NUPR1: variants seen among roughly 807,000 people sequenced by gnomAD.
The protein encoded by NUPR1 is nuclear protein 1.
A neutral mutation model predicts 7.3 loss-of-function variants in NUPR1; 8 were observed. The ratio of observed to expected loss-of-function variants is 1.09; its 90% CI spans 0.64 to 1.97. NUPR1 has a LOEUF of 1.97. NUPR1 is among the 30% of genes most tolerant of loss of function. The pLI, the probability that NUPR1 is intolerant of heterozygous loss-of-function variation, is 0.00. For synonymous variants in NUPR1, 39 were observed against 44.5 expected (o/e 0.88, Z 0.49); for missense variants, 96 against 111.7 (o/e 0.86, Z 0.63).
rs922983928 is a variant in NUPR1, at chr16:28,533,394, T to G, written c.*4289A>C. 6 of 152,192 alleles carry G rather than the reference T, an allele frequency of 3.9e-5. No individual in the cohort carries two copies. Among genetic ancestry groups the G allele is most frequent in the African/African-American group, 1.2e-4 (5 of 41,416 alleles). The allele number at this position is 152,192 out of a possible 1,614,324, so 9.4% of individuals were successfully genotyped here. A position where few individuals can be genotyped will look rare whatever the true frequency, so the allele number is the denominator to read the frequency against. The stretch of plus-strand genomic sequence containing the variant: ...AGTTAAGGAAAACTTTGGTTTTTGT[T>G]TTTTTGAGACAGGTCTCACTCTGAC... On this transcript the variant is annotated 3_prime_UTR_variant, in exon 3 of 3. Coordinates refer to ENST00000324873, the MANE Select transcript of NUPR1 (RefSeq NM_012385.3).
At position 28,538,118 on chromosome 16, in the gene NUPR1, A is replaced by C. The variant is rs2046637708; in HGVS notation, c.150T>G (p.Ala50=). The part of the protein sequence containing the change: ...GGRKGRTKRE[A]AANTNRPSPG... ...GGCTGGGGCGGTTGGTGTTGGCAGC[A>C]GCTTCTCTCTTGGTGCGACCTTTCC... Residue 50 remains alanine (A), a synonymous_variant, in exon 2 of 3, where the codon GCT becomes GCG. Transcript: ENST00000324873. 1 of 1,614,006 alleles carries C rather than the reference A, an allele frequency of 6.2e-7. No homozygotes were observed. Among genetic ancestry groups the C allele is most frequent in the Admixed American group, 1.7e-5 (1 of 59,986 alleles).
In NUPR1 at chr16:28,538,952, T is replaced by C; in HGVS notation, c.-45A>G. The stretch of plus-strand genomic sequence containing the variant: ...CTGCCTCTCTTCTTCTCCTAACGCT[T>C]TGTCTGTCTCTGCTTTCCTGGCCCC... On this transcript the variant is annotated 5_prime_UTR_variant, in exon 1 of 3. Coordinates refer to ENST00000324873, the MANE Select transcript of NUPR1 (RefSeq NM_012385.3). The C allele has an allele frequency of 6.5e-7, 1 of 1,532,700 alleles. No individual in the cohort carries two copies. Among genetic ancestry groups the C allele is most frequent in the Non-Finnish European group, 9.0e-7 (1 of 1,115,992 alleles). The allele number at this position is 1,532,700 out of a possible 1,614,324, so 94.9% of individuals were successfully genotyped here.
In NUPR1 at chr16:28,533,002, T is replaced by C. The variant is rs1003196334; in HGVS notation, c.*4681A>G. The stretch of plus-strand genomic sequence containing the variant: ...ATAGGAGCTCCAAACACAGCAGAGA[T>C]GTTTCCAGGATTTTCTGAAGCCAAC... On this transcript the variant is annotated 3_prime_UTR_variant, in exon 3 of 3. Coordinates refer to ENST00000324873, the MANE Select transcript of NUPR1 (RefSeq NM_012385.3). The C allele has an allele frequency of 6.6e-6, 1 of 152,224 alleles. No individual in the cohort carries two copies. Among genetic ancestry groups the C allele is most frequent in the Non-Finnish European group, 1.5e-5 (1 of 68,076 alleles). The allele number at this position is 152,224 out of a possible 1,614,324, so 9.4% of individuals were successfully genotyped here.
Position 28,537,990 on chromosome 16 carries a change from C to A in NUPR1, c.*13+16G>T, listed in dbSNP as rs1305124326. ...GAAGCACCACCTTGAGCTCTCTGGG[C>A]CCCCCGACTCCTTACCTCCAGCTCT... On this transcript the variant is annotated intron_variant, in intron 2 of 2. Coordinates refer to ENST00000324873, the MANE Select transcript of NUPR1 (RefSeq NM_012385.3). 1.9e-6 allele frequency: 3 copies of A among 1,591,896 alleles called. No individual in the cohort carries two copies. Among genetic ancestry groups the A allele is most frequent in the Admixed American group, 3.4e-5 (2 of 59,090 alleles).
Position 28,536,755 on chromosome 16 carries a change from TG to T in NUPR1, c.*927del, listed in dbSNP as rs1054398813. 7 of 152,122 alleles carry T rather than the reference TG, an allele frequency of 4.6e-5. No individual in the cohort carries two copies. Among genetic ancestry groups the T allele is most frequent in the Non-Finnish European group, 8.8e-5 (6 of 68,114 alleles). 9.4% of individuals were successfully genotyped at this position (152,122 alleles called of 1,614,324 possible). ...TCGGCTCACTGCAACCTCTACCTCC[TG>T]GGTTCAAGCGATTCTACTGCCTCAG... On this transcript the variant is annotated 3_prime_UTR_variant, in exon 3 of 3. Transcript: ENST00000324873.
Position 28,538,875 on chromosome 16 carries a change from G to A in NUPR1, c.33C>T (p.Pro11=). The A allele has an allele frequency of 6.2e-7, 1 of 1,613,476 alleles. No individual in the cohort carries two copies. Among genetic ancestry groups the A allele is most frequent in the African/African-American group, 1.3e-5 (1 of 74,968 alleles). Reference sequence around the variant, plus strand: ...CGTCCTCCGGGCCTGGGGGCTGCTGGGGGGCGCTGGTTGCTGGTGGGAAGG... The same window carrying A: ...CGTCCTCCGGGCCTGGGGGCTGCTGAGGGGCGCTGGTTGCTGGTGGGAAGG... MATFPPATSA[P]QQPPGPEDED... The change falls in exon 1 of 3, where the codon CCC becomes CCT. Residue 11 remains proline (P), a synonymous_variant. Coordinates refer to ENST00000324873, the MANE Select transcript of NUPR1 (RefSeq NM_012385.3).
chr16:28,533,102 T>C lies in NUPR1; in HGVS notation c.*4581A>G, dbSNP rs1389529932. 1.3e-5 allele frequency: 2 copies of C among 152,324 alleles called. No homozygotes were observed. Among genetic ancestry groups the C allele is most frequent in the South Asian group, 2.1e-4 (1 of 4,830 alleles). The allele number at this position is 152,324 out of a possible 1,614,324, so 9.4% of individuals were successfully genotyped here. On this transcript the variant is annotated 3_prime_UTR_variant, in exon 3 of 3. Transcript: ENST00000324873. The stretch of plus-strand genomic sequence containing the variant: ...CCATTTGCTCCCTGGGTTCTAGAGC[T>C]GATGGTGGCCCTATTCCTGGTTCCA...
At position 28,535,568 on chromosome 16, in the gene NUPR1, C is replaced by CTTTCTTTCTTTTCTTTCTTTCT. The variant is rs1567277461; in HGVS notation, c.*2114_*2115insAGAAAGAAAGAAAAGAAAGAAA. On this transcript the variant is annotated 3_prime_UTR_variant, in exon 3 of 3. Coordinates refer to ENST00000324873, the MANE Select transcript of NUPR1 (RefSeq NM_012385.3). ...CCTTCTTTCTTTCTTTCTTTCCTTC[C>CTTTCTTTCTTTTCTTTCTTTCT]TTCCTTTCTTTCTTTCTTTCTTTCT... is the stretch of plus-strand genomic sequence containing the variant. 2.9e-5 allele frequency: 1 copy of CTTTCTTTCTTTTCTTTCTTTCT among 34,970 alleles called. No individual in the cohort carries two copies. Among genetic ancestry groups the CTTTCTTTCTTTTCTTTCTTTCT allele is most frequent in the African/African-American group, 7.7e-5 (1 of 12,960 alleles). 2.2% of individuals were successfully genotyped at this position (34,970 alleles called of 1,614,324 possible). A position where few individuals can be genotyped will look rare whatever the true frequency, so the allele number is the denominator to read the frequency against.
rs1305031912 is a variant in NUPR1 at position 28,536,865 on chromosome 16, T to G, written c.*818A>C. ...TTTTAGTGGAGATGGGGTTTCACCA[T>G]GTTGGTCAGGCTGGTCTTGAACTCC... is the stretch of plus-strand genomic sequence containing the variant. On this transcript the variant is annotated 3_prime_UTR_variant, in exon 3 of 3. Coordinates refer to ENST00000324873, the MANE Select transcript of NUPR1 (RefSeq NM_012385.3). The G allele has an allele frequency of 6.6e-6, 1 of 152,142 alleles. No individual in the cohort carries two copies. The highest frequency in any genetic ancestry group is 1.5e-5 in the Non-Finnish European group (1 of 68,082). The allele number at this position is 152,142 out of a possible 1,614,324, so 9.4% of individuals were successfully genotyped here.
At position 28,534,671 on chromosome 16, in the gene NUPR1, CCT is replaced by C. The variant is rs964359271; in HGVS notation, c.*3010_*3011del. 2 of 152,216 alleles carry C rather than the reference CCT, an allele frequency of 1.3e-5. No individual in the cohort carries two copies. The highest frequency in any genetic ancestry group is 2.9e-5 in the Non-Finnish European group (2 of 68,048). 9.4% of individuals were successfully genotyped at this position (152,216 alleles called of 1,614,324 possible). Reference sequence around the variant, plus strand: ...AGCAGCTCAATGCTACATTTCCCAACCTCTCTCGTAGTTGGGTGTGGCCATGT... The same window carrying C: ...AGCAGCTCAATGCTACATTTCCCAACCTCTCGTAGTTGGGTGTGGCCATGT... On this transcript the variant is annotated 3_prime_UTR_variant, in exon 3 of 3. Coordinates refer to ENST00000324873, the MANE Select transcript of NUPR1 (RefSeq NM_012385.3).
Position 28,535,573 on chromosome 16 carries a change from T to TTTCC in NUPR1, c.*2109_*2110insGGAA, listed in dbSNP as rs1567277475. Reference sequence around the variant, plus strand: ...TTTCTTTCTTTCTTTCCTTCCTTCCTTTCTTTCTTTCTTTCTTTCTTTCTT... The same window carrying TTTCC: ...TTTCTTTCTTTCTTTCCTTCCTTCCTTTCCTTCTTTCTTTCTTTCTTTCTTTCTT... On this transcript the variant is annotated 3_prime_UTR_variant, in exon 3 of 3. Transcript: ENST00000324873. The TTTCC allele has an allele frequency of 1.8e-3, 25 of 14,032 alleles. No homozygotes were observed. Among genetic ancestry groups the TTTCC allele is most frequent in the African/African-American group, 6.9e-3 (23 of 3,326 alleles). 0.9% of individuals were successfully genotyped at this position (14,032 alleles called of 1,614,324 possible).
At chr16:28,538,745 C>G (rs1237227194) in intron 1 of NUPR1, 51 bp downstream of exon 1, 3 of 1,387,552 alleles carry the variant, frequency 2.2e-6, no homozygotes, top group Non-Finnish European at 3.1e-6. Flanking sequence ...GGGGTGGGTC[C>G]TGATTTCGGG....
chr16:28,534,927 T>G lies in NUPR1; in HGVS notation c.*2756A>C, dbSNP rs1297133536. 1 of 152,214 alleles carries G rather than the reference T, an allele frequency of 6.6e-6. No homozygotes were observed. The highest frequency in any genetic ancestry group is 1.5e-5 in the Non-Finnish European group (1 of 68,040). The allele number at this position is 152,214 out of a possible 1,614,324, so 9.4% of individuals were successfully genotyped here. A position where few individuals can be genotyped will look rare whatever the true frequency, so the allele number is the denominator to read the frequency against. ...TCCTCAACACAATGGAGCTGCCATT[T>G]GAACCCAGGAGGACTTGGGGCTAAG... On this transcript the variant is annotated 3_prime_UTR_variant, in exon 3 of 3. Coordinates refer to ENST00000324873, the MANE Select transcript of NUPR1 (RefSeq NM_012385.3).
Position 28,533,468 on chromosome 16 carries a change from A to G in NUPR1, c.*4215T>C, listed in dbSNP as rs1672857. 0.98 allele frequency: 150,024 copies of G among 152,336 alleles called. 73,928 individuals are homozygous for G. The highest frequency in any genetic ancestry group is 1 in the Middle Eastern group (294 of 294). 9.4% of individuals were successfully genotyped at this position (152,336 alleles called of 1,614,324 possible). ...GCTCACTGCAGCCTCCACCTCCCAG[A>G]CTCAAGAGATCCTCTCACCTCAGCC... On this transcript the variant is annotated 3_prime_UTR_variant, in exon 3 of 3. Transcript: ENST00000324873.
chr16:28,537,714 G>A, intron 2 of NUPR1, 45 bp from the exon 3 acceptor site: 1 of 332,870 alleles, frequency 3.0e-6, no homozygotes. Flanking sequence ...CAGAGATCTG[G>A]GTTCTAATTC....
At chr16:28,538,426 A>G (rs1284296367) in intron 1 of NUPR1, 1 of 589,606 alleles carries the variant, frequency 1.7e-6, no homozygotes, top group African/African-American at 1.9e-5. Context: ...AGGGTGGCTC[A>G]CTCCTGTAAT....
At chr16:28,538,576 A>T in intron 1 of NUPR1, 1 of 660,408 alleles carries the variant, frequency 1.5e-6, no homozygotes, top group Non-Finnish European at 2.8e-6. Flanking sequence ...AGGCTGAAGC[A>T]GGAGGATCAC....
Position 28,535,573 on chromosome 16 carries a change from T to TTCC in NUPR1, c.*2109_*2110insGGA, listed in dbSNP as rs1567277474. On this transcript the variant is annotated 3_prime_UTR_variant, in exon 3 of 3. Coordinates refer to ENST00000324873, the MANE Select transcript of NUPR1 (RefSeq NM_012385.3). Reference sequence around the variant, plus strand: ...TTTCTTTCTTTCTTTCCTTCCTTCCTTTCTTTCTTTCTTTCTTTCTTTCTT... The same window carrying TTCC: ...TTTCTTTCTTTCTTTCCTTCCTTCCTTCCTTCTTTCTTTCTTTCTTTCTTTCTT... The TTCC allele has an allele frequency of 1.7e-3, 24 of 14,040 alleles. No homozygotes were observed. Among genetic ancestry groups the TTCC allele is most frequent in the East Asian group, 0.014 (2 of 148 alleles). The allele number at this position is 14,040 out of a possible 1,614,324, so 0.9% of individuals were successfully genotyped here.
At chr16:28,538,358 A>G in intron 1 of NUPR1, 1 of 728,476 alleles carries the variant, frequency 1.4e-6, no homozygotes, top group Non-Finnish European at 2.2e-6. Flanking sequence ...GGGATTAGAC[A>G]GGGGTGACGT....
Sources: allele counts gnomAD v4.1 joint callset, GRCh38; gene constraint gnomAD v4.1.1; transcripts MANE v1.5; gene names NCBI Gene and HGNC (gene_info 2026-07-23, HGNC 2026-07-21).